Variants in SETBP1 observed in about 807,000 individuals in gnomAD.
SETBP1 encodes the protein SET-binding protein.
In SETBP1, 9 loss-of-function variants were observed where a neutral mutation model predicts 101.0. The observed-to-expected ratio is 0.09, with a 90% confidence interval of 0.05 to 0.16. The LOEUF (loss-of-function observed/expected upper bound fraction) is 0.16, where lower values mean the gene tolerates loss of function less well. Among genes scored for constraint, SETBP1 ranks in the 10% least tolerant of loss-of-function variants. The pLI, the probability that SETBP1 is intolerant of heterozygous loss-of-function variation, is 1.00. For missense variants in SETBP1, 1,858 were observed against 2,033.8 expected, an observed-to-expected ratio of 0.91 and a Z score of 1.66; for synonymous variants, 818 against 788.5, an observed-to-expected ratio of 1.04 and a Z score of -0.63.
rs535374615 is a variant in SETBP1, at chr18:44,926,520, C to T, written c.541-23361C>T. On this transcript the variant is annotated intron_variant, in intron 3 of 5. Coordinates refer to ENST00000649279, the MANE Select transcript of SETBP1 (RefSeq NM_015559.3). ...CCCTCAGGGGCCCTCCCAGCTTCCT[C>T]GTGCCCCATCTCTTCTTGGATTCAG... Among the ~76,000 whole-genome samples the T allele has an allele frequency of 5.3e-5, 8 of 152,236 alleles. No individual in the cohort carries two copies. The East Asian group carries it at 1.5e-3, about 29-fold the overall frequency.
At chr18:44,814,658 G>A (rs1178085915) in intron 2 of SETBP1, among the ~76,000 whole-genome samples, 2 of 152,226 alleles carry the variant, frequency 1.3e-5, no homozygotes, top group Admixed American at 6.5e-5. Context: ...AGATCCATAT[G>A]AACAATGATC....
chr18:44,801,554 C>T (rs1246186108), intron 2 of SETBP1, among the ~76,000 whole-genome samples: 1 of 152,102 alleles, frequency 6.6e-6, no homozygotes, highest in African/African-American at 2.4e-5. Context: ...GACTTTGTTA[C>T]CAATGAGGAG....
intron 2 of SETBP1, among the ~76,000 whole-genome samples, chr18:44,818,970 A>ATGTGTGTGTG (rs34458305): frequency 3.4e-5 from 5 of 148,394 alleles, no homozygotes; most frequent in African/African-American, 1.2e-4. Context: ...ATTTCACTGA[A>ATGTGTGTGTG]TGTGTGTGTG....
intron 4 of SETBP1, among the ~76,000 whole-genome samples, chr18:45,025,139 G>C (rs1055054111): frequency 4.6e-5 from 7 of 152,188 alleles, no homozygotes; most frequent in African/African-American, 1.7e-4. Flanking sequence ...GGCAGCTGGG[G>C]TTTCAAGGGC....
intron 2 of SETBP1, among the ~76,000 whole-genome samples, chr18:44,861,804 G>A (rs886197573): frequency 2.6e-5 from 4 of 152,116 alleles, no homozygotes; most frequent in South Asian, 2.1e-4. Flanking sequence ...CCCAAAAACC[G>A]CAGAAGATGC....
At chr18:44,910,541 T>C (rs1222761846) in intron 3 of SETBP1, among the ~76,000 whole-genome samples, 1 of 152,170 alleles carries the variant, frequency 6.6e-6, no homozygotes, top group Non-Finnish European at 1.5e-5. Context: ...GGCAAAGATA[T>C]GAGCAATGTC....
At chr18:44,898,381 A>G (rs1468452817) in intron 3 of SETBP1, among the ~76,000 whole-genome samples, 1 of 152,202 alleles carries the variant, frequency 6.6e-6, no homozygotes, top group Admixed American at 6.5e-5. Flanking sequence ...TTAAATATAG[A>G]TAGAGAGATA....
intron 2 of SETBP1, among the ~76,000 whole-genome samples, chr18:44,824,470 A>T (rs2072189229): frequency 6.6e-6 from 1 of 152,208 alleles, no homozygotes; most frequent in Non-Finnish European, 1.5e-5. Context: ...CCACATTAAA[A>T]TTTATTCATA....
At chr18:44,861,477 C>G (rs1658914287) in intron 2 of SETBP1, among the ~76,000 whole-genome samples, 1 of 151,760 alleles carries the variant, frequency 6.6e-6, no homozygotes, top group African/African-American at 2.4e-5. Context: ...CATGATCTGC[C>G]CGCCTCGGCC....
chr18:44,894,588 G>T (rs1292083567), intron 3 of SETBP1, among the ~76,000 whole-genome samples: 1 of 152,070 alleles, frequency 6.6e-6, no homozygotes, highest in African/African-American at 2.4e-5. Flanking sequence ...CATTCATTAT[G>T]TCCACAATGA....
At chr18:44,955,549 A>G (rs905587439) in intron 4 of SETBP1, among the ~76,000 whole-genome samples, 6 of 152,158 alleles carry the variant, frequency 3.9e-5, no homozygotes, top group African/African-American at 1.4e-4. Flanking sequence ...TTTGTGTAAC[A>G]CCCTTTGTGC....
At chr18:45,043,348 T>C (rs368639281) in intron 5 of SETBP1, among the ~76,000 whole-genome samples, 1 of 92,540 alleles carries the variant, frequency 1.1e-5, no homozygotes, top group Non-Finnish European at 2.2e-5. Flanking sequence ...AGTATATCCT[T>C]TCTCTCTCTC....
chr18:44,991,229 C>T (rs188215126), intron 4 of SETBP1, among the ~76,000 whole-genome samples: 3 of 113,780 alleles, frequency 2.6e-5, no homozygotes, highest in African/African-American at 3.4e-5. Context: ...AGTGACAGAG[C>T]GAGACTGCAT....
chr18:45,031,773 A>C (rs16978248), intron 4 of SETBP1, among the ~76,000 whole-genome samples: 14,605 of 152,180 alleles, frequency 0.096, 1,004 homozygotes, highest in African/African-American at 0.19. Context: ...GAAGAATTGG[A>C]AGAGAAATGA....
chr18:44,833,190 C>A (rs1014471582), intron 2 of SETBP1, among the ~76,000 whole-genome samples: 2 of 152,226 alleles, frequency 1.3e-5, no homozygotes, highest in Non-Finnish European at 2.9e-5. Flanking sequence ...CAGGCCTCAC[C>A]TGGGATCTTC....
intron 2 of SETBP1, among the ~76,000 whole-genome samples, chr18:44,807,158 T>G (rs190986313): frequency 6.6e-6 from 1 of 152,194 alleles, no homozygotes; most frequent in African/African-American, 2.4e-5. Flanking sequence ...GGCAATATAA[T>G]GTGAGCTCAG....
intron 2 of SETBP1, among the ~76,000 whole-genome samples, chr18:44,855,131 T>C (rs1189003618): frequency 6.6e-6 from 1 of 152,158 alleles, no homozygotes; most frequent in Non-Finnish European, 1.5e-5. Flanking sequence ...TATCCCCCAC[T>C]CTGCTTTTTC....
intron 4 of SETBP1, among the ~76,000 whole-genome samples, chr18:44,985,265 T>G (rs1034694308): frequency 5.9e-5 from 9 of 152,214 alleles, no homozygotes; most frequent in African/African-American, 2.2e-4. Context: ...AAAAAAAGTT[T>G]ACTTGCTTAA....
At chr18:44,739,821 T>G (rs1018323834) in intron 2 of SETBP1, among the ~76,000 whole-genome samples, 6 of 152,160 alleles carry the variant, frequency 3.9e-5, no homozygotes, top group Non-Finnish European at 8.8e-5. Flanking sequence ...TAGGAGTGAT[T>G]ATGGTTACTG....
Sources: allele counts gnomAD v4.1 joint callset (sites outside exome capture counted in the v4.1 genomes callset), GRCh38; gene constraint gnomAD v4.1.1; transcripts MANE v1.5; gene names NCBI Gene and HGNC (gene_info 2026-07-23, HGNC 2026-07-21).